SEMA3A: variants seen among roughly 807,000 people sequenced by gnomAD.
The protein encoded by SEMA3A is semaphorin 3A, also known as semaphorin-3A.
SEMA3A carries 29 observed loss-of-function variants against 97.9 expected under a neutral mutation model. That is an observed-to-expected ratio of 0.30 (90% CI 0.22 to 0.40). The LOEUF is 0.40. Ranked by LOEUF, SEMA3A falls within the 10% of genes least tolerant of loss-of-function variation. The pLI is 1.00. For synonymous variants in SEMA3A, 321 were observed against 323.7 expected (o/e 0.99, Z 0.09); for missense variants, 763 against 951.3 (o/e 0.80, Z 2.60).
intron 9 of SEMA3A, among the ~76,000 whole-genome samples, chr7:84,010,064 G>C (rs1205581434): frequency 2.0e-5 from 3 of 151,540 alleles, no homozygotes; most frequent in African/African-American, 4.8e-5. Context: ...GAAGGTTTTT[G>C]TTTATTTTGT....
chr7:84,454,252 A>G (rs1315186483), intron 1 of SEMA3A, among the ~76,000 whole-genome samples: 2 of 152,102 alleles, frequency 1.3e-5, no homozygotes, highest in Non-Finnish European at 2.9e-5. Context: ...TTTTTAAATT[A>G]CCTATGGAAG....
intron 12 of SEMA3A, among the ~76,000 whole-genome samples, chr7:83,996,913 T>G (rs1790245444): frequency 6.6e-6 from 1 of 152,156 alleles, no homozygotes; most frequent in African/African-American, 2.4e-5. Context: ...ATGAAAATTT[T>G]TATTACTAAG....
rs186882421 is a variant in SEMA3A at position 84,000,528 on chromosome 7, G to A, written c.1452+1427C>T. ...CAATGACATTTTGAGCTAAGTACTCGTTACTGTCTTTGATGCATTACTGAT... is the reference window on the plus strand; with the variant it reads ...CAATGACATTTTGAGCTAAGTACTCATTACTGTCTTTGATGCATTACTGAT... On this transcript the variant is annotated intron_variant, in intron 12 of 16. Coordinates refer to ENST00000265362, the MANE Select transcript of SEMA3A (RefSeq NM_006080.3). 1.3e-4 allele frequency among the ~76,000 whole-genome samples: 20 copies of A among 152,164 alleles called. No homozygotes were observed. In the East Asian group the frequency reaches 3.1e-3, roughly 23 times the overall value.
intron 4 of SEMA3A, among the ~76,000 whole-genome samples, chr7:84,061,350 A>C (rs1184169364): frequency 6.6e-6 from 1 of 152,192 alleles, no homozygotes; most frequent in Non-Finnish European, 1.5e-5. Context: ...GACATCAAAA[A>C]TCTTGATAAG....
chr7:84,098,774 A>C (rs1002330082), intron 4 of SEMA3A, among the ~76,000 whole-genome samples: 6 of 152,138 alleles, frequency 3.9e-5, no homozygotes, highest in Non-Finnish European at 7.4e-5. Flanking sequence ...TGATGCCATT[A>C]GAAAGGCCAT....
At chr7:84,399,094 C>T (rs951157534) in intron 1 of SEMA3A, among the ~76,000 whole-genome samples, 1 of 152,148 alleles carries the variant, frequency 6.6e-6, no homozygotes, top group Non-Finnish European at 1.5e-5. Flanking sequence ...CCAAGGAGCA[C>T]AGTCTGAAAA....
intron 3 of SEMA3A, among the ~76,000 whole-genome samples, chr7:84,232,480 G>A (rs1799138336): frequency 6.7e-6 from 1 of 150,130 alleles, no homozygotes; most frequent in Non-Finnish European, 1.5e-5. Flanking sequence ...CATCAGTAAA[G>A]ATACAAAAGA....
chr7:84,243,258 G>C (rs1281766779), intron 3 of SEMA3A, among the ~76,000 whole-genome samples: 1 of 152,122 alleles, frequency 6.6e-6, no homozygotes, highest in African/African-American at 2.4e-5. Flanking sequence ...GTAGAATTCG[G>C]CTGTGAATCT....
chr7:84,021,402 T>C (rs369741565), intron 6 of SEMA3A, among the ~76,000 whole-genome samples: 3 of 152,368 alleles, frequency 2.0e-5, no homozygotes, highest in East Asian at 3.9e-4. Flanking sequence ...AGCTTCTATA[T>C]ATAACAATGT....
At chr7:84,020,893 A>G (rs754220174) in intron 6 of SEMA3A, among the ~76,000 whole-genome samples, 1 of 152,208 alleles carries the variant, frequency 6.6e-6, no homozygotes, top group African/African-American at 2.4e-5. Context: ...ATATGAATGC[A>G]TTTATACAAT....
intron 15 of SEMA3A, among the ~76,000 whole-genome samples, chr7:83,974,949 C>T (rs183501976): frequency 3.0e-4 from 46 of 152,252 alleles, no homozygotes; most frequent in Middle Eastern, 3.4e-3. Context: ...TTTCTCTTCT[C>T]TCTCCAGTGT....
intron 1 of SEMA3A, among the ~76,000 whole-genome samples, chr7:84,473,595 A>C (rs1051594862): frequency 2.0e-5 from 3 of 151,502 alleles, no homozygotes; most frequent in African/African-American, 7.3e-5. Context: ...CAACATACTA[A>C]CCAGGCTGGA....
At chr7:84,018,953 T>C (rs1379158726) in intron 6 of SEMA3A, among the ~76,000 whole-genome samples, 5 of 151,962 alleles carry the variant, frequency 3.3e-5, no homozygotes, top group South Asian at 2.1e-4. Context: ...TAAAAAACAA[T>C]TGCAGTGAGG....
chr7:84,053,773 T>G (rs915406753), intron 5 of SEMA3A, among the ~76,000 whole-genome samples: 3 of 146,814 alleles, frequency 2.0e-5, no homozygotes, highest in African/African-American at 7.4e-5. Flanking sequence ...AGCTGGTTAT[T>G]TTGCTCGTTA....
At chr7:84,202,715 A>G (rs1425288084) in intron 3 of SEMA3A, among the ~76,000 whole-genome samples, 1 of 152,162 alleles carries the variant, frequency 6.6e-6, no homozygotes, top group Non-Finnish European at 1.5e-5. Context: ...TTATCCATTC[A>G]TTCAACAAAA....
intron 1 of SEMA3A, among the ~76,000 whole-genome samples, chr7:84,153,543 T>C (rs1224433989): frequency 6.6e-6 from 1 of 152,168 alleles, no homozygotes; most frequent in East Asian, 1.9e-4. Context: ...AAAAGATGCA[T>C]GTTTTAATCT....
At chr7:84,414,297 A>G (rs1355318248) in intron 1 of SEMA3A, among the ~76,000 whole-genome samples, 1 of 152,004 alleles carries the variant, frequency 6.6e-6, no homozygotes, top group African/African-American at 2.4e-5. Flanking sequence ...GCCCATAAAC[A>G]TTAACATTTT....
At chr7:84,135,685 G>A (rs1243150951) in intron 1 of SEMA3A, among the ~76,000 whole-genome samples, 8 of 152,060 alleles carry the variant, frequency 5.3e-5, no homozygotes, top group East Asian at 3.9e-4. Flanking sequence ...GGAAACATCC[G>A]GTTTAACCTC....
chr7:84,052,157 T>A (rs1430499100), intron 5 of SEMA3A, among the ~76,000 whole-genome samples: 1 of 151,952 alleles, frequency 6.6e-6, no homozygotes, highest in Non-Finnish European at 1.5e-5. Context: ...ATCAAGGATA[T>A]TGGTCTAAAA....
Sources: allele counts gnomAD v4.1 joint callset (sites outside exome capture counted in the v4.1 genomes callset), GRCh38; gene constraint gnomAD v4.1.1; transcripts MANE v1.5; gene names NCBI Gene and HGNC (gene_info 2026-07-23, HGNC 2026-07-21).